Variants in OSBPL9 observed in about 807,000 individuals in gnomAD.
OSBPL9 encodes the protein oxysterol-binding protein-related protein 9.
Under a neutral mutation model 106.6 loss-of-function variants are expected in OSBPL9, and 40 were observed. The ratio of observed to expected loss-of-function variants is 0.38; its 90% confidence interval spans 0.29 to 0.49. OSBPL9 has a LOEUF of 0.49. OSBPL9 is among the 20% of genes least tolerant of loss of function. The pLI is 0.97. For missense variants in OSBPL9, 609 were observed against 887.2 expected (o/e 0.69, Z 3.98); for synonymous variants, 269 against 295.4 (o/e 0.91, Z 0.92).
intron 3 of OSBPL9, among the ~76,000 whole-genome samples, chr1:51,672,280 A>G (rs1339368567): frequency 2.0e-5 from 3 of 152,220 alleles, no homozygotes; most frequent in Non-Finnish European, 4.4e-5. Context: ...TGGCTCCCAC[A>G]TGGTAGCAGT....
chr1:51,567,927 G>A, the OSBPL9 span: 2 of 152,344 alleles, frequency 1.3e-5, no homozygotes, highest in Admixed American at 1.3e-4. Flanking sequence ...GACAAACACA[G>A]CATGTGTATT....
Position 51,737,181 on chromosome 1 carries a change from A to G in OSBPL9, c.319-8355A>G, listed in dbSNP as rs2300788. Among the ~76,000 whole-genome samples, 698 of 152,144 alleles carry G rather than the reference A, an allele frequency of 4.6e-3. 26 individuals carry two copies. The East Asian group carries it at 0.1, about 23-fold the overall frequency. On this transcript the variant is annotated intron_variant, in intron 4 of 23. Transcript: ENST00000428468. ...CTTTAAATGATATTATAAATTTGCT[A>G]TCCTACTTTTTTGCTTGGAAAGGTG...
intron 1 of OSBPL9, among the ~76,000 whole-genome samples, chr1:51,624,651 ACT>A (rs1396470564): frequency 6.6e-6 from 1 of 151,890 alleles, no homozygotes; most frequent in Non-Finnish European, 1.5e-5. Context: ...ACATAAAGAA[ACT>A]CTCTAAGATA....
intron 1 of OSBPL9, among the ~76,000 whole-genome samples, chr1:51,647,483 T>C (rs927767075): frequency 6.6e-6 from 1 of 152,218 alleles, no homozygotes; most frequent in Non-Finnish European, 1.5e-5. Flanking sequence ...TGTGAAGGTA[T>C]GTCGTTAATT....
intron 11 of OSBPL9, among the ~76,000 whole-genome samples, chr1:51,762,755 A>G (rs994560430): frequency 3.3e-5 from 5 of 152,220 alleles, no homozygotes; most frequent in Non-Finnish European, 7.3e-5. Context: ...TTCCTTTAAC[A>G]AAGAACACTT....
intron 3 of OSBPL9, among the ~76,000 whole-genome samples, chr1:51,701,174 A>G (rs946981756): frequency 2.0e-5 from 3 of 152,310 alleles, no homozygotes; most frequent in Admixed American, 2.0e-4. Flanking sequence ...TCCTGACCTC[A>G]GGTGATCCAC....
intron 3 of OSBPL9, among the ~76,000 whole-genome samples, chr1:51,700,705 C>G (rs2148852193): frequency 6.6e-6 from 1 of 152,246 alleles, no homozygotes; most frequent in Non-Finnish European, 1.5e-5. Flanking sequence ...TAACCTTGAT[C>G]ACTTGATTAA....
At position 51,775,603 on chromosome 1, in the gene OSBPL9, C is replaced by CATTTATTTATTT. The variant is rs564959096; in HGVS notation, c.1171-1216_1171-1205dup. On this transcript the variant is annotated intron_variant, in intron 14 of 23. Coordinates refer to ENST00000428468, the MANE Select transcript of OSBPL9 (RefSeq NM_024586.6). ...CTTTGTCTCCACCATAGCTTGCTTG[C>CATTTATTTATTT]ATTTATTTATTTATTTATTTATTTA... 6.0e-3 allele frequency among the ~76,000 whole-genome samples: 917 copies of CATTTATTTATTT among 151,914 alleles called. 7 individuals carry two copies. The highest frequency in any genetic ancestry group is 0.01 in the Non-Finnish European group (713 of 67,910).
chr1:51,703,363 T>C (rs1359649991), intron 3 of OSBPL9, among the ~76,000 whole-genome samples: 1 of 152,242 alleles, frequency 6.6e-6, no homozygotes, highest in East Asian at 1.9e-4. Context: ...TTCATGTCCC[T>C]TGTAAGTTGG....
chr1:51,759,802 A>T (rs1671116666), intron 9 of OSBPL9: 1 of 152,126 alleles, frequency 6.6e-6, no homozygotes, highest in Admixed American at 6.5e-5. Context: ...AATTAACTAC[A>T]TGTCTGAATT....
intron 1 of OSBPL9, among the ~76,000 whole-genome samples, chr1:51,650,612 C>A (rs912995660): frequency 8.6e-5 from 13 of 152,038 alleles, no homozygotes; most frequent in African/African-American, 2.9e-4. Flanking sequence ...GTAATCACTT[C>A]TGAACATGAA....
At chr1:51,644,397 G>A (rs1271917754) in intron 1 of OSBPL9, among the ~76,000 whole-genome samples, 1 of 152,072 alleles carries the variant, frequency 6.6e-6, no homozygotes, top group African/African-American at 2.4e-5. Flanking sequence ...CGCAATCTCG[G>A]CTCACTGCAA....
chr1:51,635,777 G>T (rs1308359185), intron 1 of OSBPL9, among the ~76,000 whole-genome samples: 1 of 151,900 alleles, frequency 6.6e-6, no homozygotes, highest in Non-Finnish European at 1.5e-5. Context: ...TGAAAAACCT[G>T]AGACTCGACA....
chr1:51,781,181 A>G lies in OSBPL9; in HGVS notation c.1274A>G (p.Asp425Gly), dbSNP rs1676301128. ...CCTTGCAGCATTAGTGACCAGAAGG[A>G]TCCCAAGGATCGAATGGTTCAGGTT... is the stretch of plus-strand genomic sequence containing the variant. ...DLFVSISDQK[D>G]PKDRMVQVVK... Residue 425 changes from aspartate (D) to glycine (G), a missense_variant, in exon 16 of 24, where the codon GAT becomes GGT. Physicochemically the swap from Asp to Gly is moderately conservative, Grantham distance 94 (BLOSUM62 -1). Coordinates refer to ENST00000428468, the MANE Select transcript of OSBPL9 (RefSeq NM_024586.6). The G allele has an allele frequency of 6.2e-7, 1 of 1,614,098 alleles. No individual in the cohort carries two copies. The highest frequency in any genetic ancestry group is 8.5e-7 in the Non-Finnish European group (1 of 1,179,996).
chr1:51,651,900 T>C (rs1429208527), intron 1 of OSBPL9, 91 bp from the exon 2 acceptor site: 23 of 1,016,798 alleles, frequency 2.3e-5, no homozygotes, highest in Non-Finnish European at 3.2e-5. Flanking sequence ...GGTATTACTG[T>C]AAATCTTGTC....
intron 14 of OSBPL9, among the ~76,000 whole-genome samples, chr1:51,773,434 CTTCAT>C (rs1378940199): frequency 6.6e-6 from 1 of 152,156 alleles, no homozygotes; most frequent in East Asian, 1.9e-4. Context: ...GTGTTATTAA[CTTCAT>C]TTCATCAGGA....
chr1:51,761,325 A>C (rs1429760628), intron 10 of OSBPL9, among the ~76,000 whole-genome samples: 1 of 152,022 alleles, frequency 6.6e-6, no homozygotes. Flanking sequence ...CTCAGGGCCA[A>C]TACCTAGCTA....
In OSBPL9 at chr1:51,745,462, A is replaced by G. The variant is rs548547935; in HGVS notation, c.319-74A>G. The G allele has an allele frequency of 2.2e-4, 343 of 1,548,832 alleles. No individual in the cohort carries two copies. In the African/African-American group the frequency reaches 4.1e-3, roughly 18 times the overall value. On this transcript the variant is annotated intron_variant, in intron 4 of 23. Transcript: ENST00000428468. ...AAAATTGAAATGTCTTCATGTATGAAGGGAAAAGTATTTTTTGTACTATTA... is the reference window on the plus strand; with the variant it reads ...AAAATTGAAATGTCTTCATGTATGAGGGGAAAAGTATTTTTTGTACTATTA...
At chr1:51,632,120 T>C (rs919958624) in intron 1 of OSBPL9, among the ~76,000 whole-genome samples, 2 of 152,192 alleles carry the variant, frequency 1.3e-5, no homozygotes, top group Non-Finnish European at 2.9e-5. Context: ...TACACGTATA[T>C]ATAAATAGAA....
Sources: allele counts gnomAD v4.1 joint callset (sites outside exome capture counted in the v4.1 genomes callset), GRCh38; gene constraint gnomAD v4.1.1; transcripts MANE v1.5; gene names NCBI Gene and HGNC (gene_info 2026-07-23, HGNC 2026-07-21).